The following ABCA4 variants were observed in gnomAD, a reference collection of about 807,000 sequenced individuals.
ABCA4 encodes retinal-specific phospholipid-transporting ATPase ABCA4.
Under a neutral mutation model 263.7 loss-of-function variants are expected in ABCA4, and 196 were observed. The ratio of observed to expected loss-of-function variants is 0.74; its 90% CI spans 0.66 to 0.84. ABCA4 has a LOEUF of 0.84. Among genes scored for constraint, ABCA4 ranks in the 40% least tolerant of loss-of-function variants. The probability of loss-of-function intolerance (pLI) is 0.00; values close to 1 mark genes in which losing one functional copy is unlikely to be tolerated. For synonymous variants in ABCA4, 1,133 were observed against 1,094.2 expected (o/e 1.04, Z -0.70); for missense variants, 2,792 against 2,855.1 (o/e 0.98, Z 0.50).
At chr1:94,030,319 A>T in intron 29 of ABCA4, 109 bp downstream of exon 29, 1 of 925,204 alleles carries the variant, frequency 1.1e-6, no homozygotes, top group Non-Finnish European at 1.7e-6. Flanking sequence ...GGAAGTGACC[A>T]GCAGAGCAGG....
chr1:94,011,201 C>T (rs929506653), intron 39 of ABCA4, 61 bp downstream of exon 39: 117 of 1,612,558 alleles, frequency 7.3e-5, no homozygotes, highest in Middle Eastern at 3.6e-4. Flanking sequence ...GGAGCCCCCC[C>T]GGTAACCCTC....
chr1:94,019,114 A>C (rs1659822742), intron 36 of ABCA4, among the ~76,000 whole-genome samples: 1 of 149,638 alleles, frequency 6.7e-6, no homozygotes, highest in Non-Finnish European at 1.5e-5. Flanking sequence ...CATCATCTGA[A>C]ATTAAATTTA....
At chr1:94,014,229 A>T (rs1055180854) in intron 38 of ABCA4, among the ~76,000 whole-genome samples, 2 of 150,864 alleles carry the variant, frequency 1.3e-5, no homozygotes, top group African/African-American at 4.9e-5. Context: ...TGGAGGGAGG[A>T]TGAAAGGAAA....
At chr1:94,019,161 A>T (rs1328958440) in intron 36 of ABCA4, among the ~76,000 whole-genome samples, 1 of 151,598 alleles carries the variant, frequency 6.6e-6, no homozygotes, top group East Asian at 1.9e-4. Flanking sequence ...ACCCTACCAC[A>T]GGGAAAGTTT....
chr1:94,007,337 A>G (rs556031236), intron 43 of ABCA4, among the ~76,000 whole-genome samples: 13 of 152,302 alleles, frequency 8.5e-5, no homozygotes, highest in African/African-American at 3.1e-4. Context: ...TATTCATCAG[A>G]TGCTTAAAAG....
chr1:93,994,145 T>G (rs1033558538), intron 49 of ABCA4, among the ~76,000 whole-genome samples: 9 of 152,222 alleles, frequency 5.9e-5, no homozygotes, highest in African/African-American at 2.2e-4. Flanking sequence ...GAAATTGATC[T>G]GAGTTGTTCC....
At chr1:94,007,347 G>A (rs377001110) in intron 43 of ABCA4, among the ~76,000 whole-genome samples, 2 of 152,170 alleles carry the variant, frequency 1.3e-5, no homozygotes, top group East Asian at 3.9e-4. Flanking sequence ...ATGCTTAAAA[G>A]GTTCCGTGAC....
intron 16 of ABCA4, 151 bp downstream of exon 16, chr1:94,054,960 T>G: frequency 1.2e-6 from 1 of 812,428 alleles, no homozygotes; most frequent in Non-Finnish European, 2.0e-6. Flanking sequence ...GCCAGTAGGA[T>G]TTGCTGGTGG....
At chr1:93,997,432 ATT>A (rs112489936) in intron 48 of ABCA4, among the ~76,000 whole-genome samples, 1 of 132,214 alleles carries the variant, frequency 7.6e-6, no homozygotes, top group Non-Finnish European at 1.6e-5. Context: ...TAATTTTCTG[ATT>A]TTTTTTTTTT....
chr1:94,007,682 G>T lies in ABCA4; in HGVS notation c.5957C>A (p.Thr1986Asn), dbSNP rs760098992. ...CCCTGAGGTCACTGTGGTGTCCCCA[G>T]TGAGCATCTTGAATGTGGTTGTTTT... ...AGKTTTFKML[T>N]GDTTVTSGDA... Residue 1986 changes from threonine (T) to asparagine (N), a missense_variant, in exon 43 of 50, where the codon ACT (threonine) becomes AAT (asparagine). Thr to Asn is a moderately conservative substitution (Grantham distance 65). Transcript: ENST00000370225. 7 of 1,614,004 alleles carry T rather than the reference G, an allele frequency of 4.3e-6. No homozygotes were observed. The highest frequency in any genetic ancestry group is 1.3e-5 in the African/African-American group (1 of 74,914).
chr1:94,033,524 T>C (rs1482743729), intron 26 of ABCA4, among the ~76,000 whole-genome samples: 2 of 152,056 alleles, frequency 1.3e-5, no homozygotes, highest in Non-Finnish European at 2.9e-5. Flanking sequence ...CCATTGCAAG[T>C]TGTCGGTTAT....
rs376268785 is a variant in ABCA4, at chr1:94,039,531, T to C, written c.3607+512A>G. On this transcript the variant is annotated intron_variant, in intron 24 of 49. Coordinates refer to ENST00000370225, the MANE Select transcript of ABCA4 (RefSeq NM_000350.3). Reference sequence around the variant, plus strand: ...ATGGGGGCACCCCTGAGAGCTTCAGTGCATCCTAATTAAAGGGAGAATCAC... The same window carrying C: ...ATGGGGGCACCCCTGAGAGCTTCAGCGCATCCTAATTAAAGGGAGAATCAC... 1.2e-4 allele frequency among the ~76,000 whole-genome samples: 18 copies of C among 152,362 alleles called. No homozygotes were observed. In the East Asian group the frequency reaches 1.4e-3, roughly 11 times the overall value.
chr1:94,045,299 G>T (rs1402406161), intron 19 of ABCA4, among the ~76,000 whole-genome samples: 1 of 149,016 alleles, frequency 6.7e-6, no homozygotes, highest in Non-Finnish European at 1.5e-5. Flanking sequence ...AACATAAAAA[G>T]CCTCAGAGCA....
intron 40 of ABCA4, among the ~76,000 whole-genome samples, chr1:94,009,094 C>A (rs1659479180): frequency 6.6e-6 from 1 of 152,078 alleles, no homozygotes; most frequent in Non-Finnish European, 1.5e-5. Flanking sequence ...CAGTCCTGGC[C>A]TCCTCATGTG....
At chr1:94,085,830 C>CA (rs1008137506) in intron 6 of ABCA4, among the ~76,000 whole-genome samples, 12 of 152,328 alleles carry the variant, frequency 7.9e-5, no homozygotes, top group African/African-American at 2.9e-4. Flanking sequence ...TATTCCCCCC[C>CA]ATTCCTTCTT....
chr1:94,032,106 AT>A lies in ABCA4; in HGVS notation c.3863-64del, dbSNP rs4147892. ...CTATAAGGTCTGGATCTCTAATGCC[AT>A]TTTTTTTTTCCCTTACAGCATTGAT... On this transcript the variant is annotated intron_variant, in intron 26 of 49. Transcript: ENST00000370225. 2.3e-3 allele frequency: 3,371 copies of A among 1,438,190 alleles called. 10 individuals are homozygous for A. Among genetic ancestry groups the A allele is most frequent in the African/African-American group, 0.018 (1,279 of 69,658 alleles). 89.1% of individuals were successfully genotyped at this position (1,438,190 alleles called of 1,614,324 possible).
At chr1:94,042,996 C>A in intron 21 of ABCA4, 98 bp from the exon 22 acceptor site, 1 of 1,538,706 alleles carries the variant, frequency 6.5e-7, no homozygotes, top group South Asian at 1.1e-5. Context: ...CTTAACCCAG[C>A]AGTGGTTTGG....
In ABCA4 at chr1:94,112,871, A is replaced by G. The variant is rs1386587117; in HGVS notation, c.160+102T>C. The stretch of plus-strand genomic sequence containing the variant: ...TGCATCATAGACATGAAATGATGAT[A>G]AGCAGATCTGATCCCCACACTCCCA... On this transcript the variant is annotated intron_variant, in intron 2 of 49. Transcript: ENST00000370225. 16 of 829,570 alleles carry G rather than the reference A, an allele frequency of 1.9e-5. 1 individual carries two copies. In the Admixed American group the frequency reaches 2.8e-4, roughly 14 times the overall value. 51.4% of individuals were successfully genotyped at this position (829,570 alleles called of 1,614,324 possible).
chr1:94,046,473 A>AAAAAAAAG (rs71094277), intron 19 of ABCA4, among the ~76,000 whole-genome samples: 22,433 of 115,292 alleles, frequency 0.19, 4,263 homozygotes, highest in Non-Finnish European at 0.33. Flanking sequence ...AAAAAAAAAA[A>AAAAAAAAG]AAAGAAAAGA....
Sources: gnomAD v4.1 joint callset for allele counts (sites outside exome capture counted in the v4.1 genomes callset) on GRCh38, gnomAD v4.1.1 for gene constraint, MANE v1.5 for transcripts, NCBI Gene and HGNC (gene_info 2026-07-23, HGNC 2026-07-21) for gene names.